FNBP1L: variants seen among roughly 807,000 people sequenced by gnomAD.
FNBP1L encodes the protein formin-binding protein 1-like.
FNBP1L carries 36 observed loss-of-function variants against 91.2 expected under a neutral mutation model. That is an observed-to-expected ratio of 0.39 (90% CI 0.30 to 0.52). The LOEUF is 0.52. FNBP1L is among the 20% of genes least tolerant of loss of function. FNBP1L has a pLI of 0.66. For synonymous variants in FNBP1L, 242 were observed against 237.0 expected (o/e 1.02, Z -0.19); for missense variants, 571 against 732.1 (o/e 0.78, Z 2.54).
chr1:93,456,641 G>T (rs1217689997), intron 1 of FNBP1L, among the ~76,000 whole-genome samples: 2 of 148,864 alleles, frequency 1.3e-5, no homozygotes, highest in African/African-American at 4.9e-5. Flanking sequence ...TAAGCTGGGC[G>T]TGGTGGTGGG....
intron 2 of FNBP1L, among the ~76,000 whole-genome samples, chr1:93,517,021 CTCTTT>C (rs1260000330): frequency 5.8e-4 from 88 of 151,418 alleles, no homozygotes; most frequent in Admixed American, 4.1e-3. Context: ...CTTCCTCCTC[CTCTTT>C]TCTTCTTTTC....
chr1:93,550,412 T>TA (rs1672368300), intron 15 of FNBP1L, among the ~76,000 whole-genome samples: 1 of 152,150 alleles, frequency 6.6e-6, no homozygotes, highest in Admixed American at 6.5e-5. Flanking sequence ...TGAAAATTGT[T>TA]ACTGCTAAGC....
intron 1 of FNBP1L, 74 bp downstream of exon 1, chr1:93,448,379 C>T (rs1463403093): frequency 2.8e-6 from 4 of 1,431,914 alleles, no homozygotes; most frequent in Admixed American, 3.4e-5. Context: ...CGCCGCGGAC[C>T]CTCGGCGGTG....
chr1:93,542,992 G>A (rs1316831965), intron 11 of FNBP1L, among the ~76,000 whole-genome samples: 3 of 151,472 alleles, frequency 2.0e-5, no homozygotes, highest in South Asian at 2.1e-4. Context: ...TCATCATGTC[G>A]GCCAGGCTCC....
At position 93,448,238 on chromosome 1, in the gene FNBP1L, G is replaced by C; in HGVS notation, c.-44G>C. On this transcript the variant is annotated 5_prime_UTR_variant, in exon 1 of 17. Coordinates refer to ENST00000271234, the MANE Select transcript of FNBP1L (RefSeq NM_001164473.3). The stretch of plus-strand genomic sequence containing the variant: ...GGTCGGACAGACTGTGGAGCCGACA[G>C]ACTGAAGGACAGCGGCACCGCCAGA... The C allele has an allele frequency of 6.6e-7, 1 of 1,521,230 alleles. No individual in the cohort carries two copies. Among genetic ancestry groups the C allele is most frequent in the Non-Finnish European group, 8.8e-7 (1 of 1,134,160 alleles). The allele number at this position is 1,521,230 out of a possible 1,614,324, so 94.2% of individuals were successfully genotyped here. A position where few individuals can be genotyped will look rare whatever the true frequency, so the allele number is the denominator to read the frequency against.
intron 2 of FNBP1L, among the ~76,000 whole-genome samples, chr1:93,505,147 T>C (rs1242478252): frequency 6.6e-6 from 1 of 150,660 alleles, no homozygotes; most frequent in East Asian, 1.9e-4. Context: ...GTCTCACTCT[T>C]GTCGCCCAGC....
intron 12 of FNBP1L, 149 bp from the exon 13 acceptor site, chr1:93,546,693 T>C (rs899484554): frequency 1.4e-6 from 1 of 736,996 alleles, no homozygotes; most frequent in East Asian, 2.7e-5. Flanking sequence ...ATGCAAATTG[T>C]CTTTAATCAG....
intron 10 of FNBP1L, among the ~76,000 whole-genome samples, chr1:93,538,146 T>G (rs1391690999): frequency 6.6e-6 from 1 of 152,030 alleles, no homozygotes; most frequent in Non-Finnish European, 1.5e-5. Flanking sequence ...GTCATAGTCA[T>G]ATTTTCCACA....
chr1:93,469,614 A>G (rs1398379055), intron 1 of FNBP1L, among the ~76,000 whole-genome samples: 1 of 152,158 alleles, frequency 6.6e-6, no homozygotes, highest in African/African-American at 2.4e-5. Context: ...ACTTTTAAGT[A>G]TGAATGTTCA....
chr1:93,450,637 T>C (rs1186380275), intron 1 of FNBP1L, among the ~76,000 whole-genome samples: 1 of 152,234 alleles, frequency 6.6e-6, no homozygotes, highest in Non-Finnish European at 1.5e-5. Flanking sequence ...TGTACTGTGC[T>C]CTTGCCATTG....
intron 1 of FNBP1L, among the ~76,000 whole-genome samples, chr1:93,458,218 A>G (rs774664427): frequency 7.2e-4 from 109 of 152,322 alleles, no homozygotes; most frequent in Non-Finnish European, 1.1e-3. Flanking sequence ...TTGGAGCAAT[A>G]TCTTCTCTTA....
rs1019817527 is a variant in FNBP1L, at chr1:93,513,977, A to T, written c.141-8105A>T. 1.6e-4 allele frequency among the ~76,000 whole-genome samples: 25 copies of T among 152,202 alleles called. 1 individual carries two copies. Among genetic ancestry groups the T allele is most frequent in the Middle Eastern group, 6.8e-3 (2 of 294 alleles). ...TTCAATTAGGAAAAGAGGAAGTCAA[A>T]TTGTCCCTGTTTGCAGACGACATGA... On this transcript the variant is annotated intron_variant, in intron 2 of 16. Coordinates refer to ENST00000271234, the MANE Select transcript of FNBP1L (RefSeq NM_001164473.3).
intron 12 of FNBP1L, among the ~76,000 whole-genome samples, chr1:93,545,169 T>C (rs1672182434): frequency 1.3e-5 from 2 of 152,176 alleles, no homozygotes; most frequent in Non-Finnish European, 2.9e-5. Flanking sequence ...TACAGCCTTC[T>C]TGTGCTTCAG....
intron 1 of FNBP1L, among the ~76,000 whole-genome samples, chr1:93,486,106 G>A (rs1669886133): frequency 6.6e-6 from 1 of 152,196 alleles, no homozygotes; most frequent in African/African-American, 2.4e-5. Context: ...AAATGACACT[G>A]TGTTAGATGG....
At chr1:93,459,313 T>A (rs933626041) in intron 1 of FNBP1L, among the ~76,000 whole-genome samples, 1 of 152,162 alleles carries the variant, frequency 6.6e-6, no homozygotes, top group African/African-American at 2.4e-5. Context: ...GGGACTACTA[T>A]ATTTGTAAAC....
chr1:93,481,169 G>GT (rs1669691988), intron 1 of FNBP1L, among the ~76,000 whole-genome samples: 1 of 152,148 alleles, frequency 6.6e-6, no homozygotes, highest in Non-Finnish European at 1.5e-5. Context: ...TAATCTCAGT[G>GT]TTTCTATGTG....
At chr1:93,526,570 C>T (rs1480239475) in intron 5 of FNBP1L, among the ~76,000 whole-genome samples, 1 of 152,152 alleles carries the variant, frequency 6.6e-6, no homozygotes, top group South Asian at 2.1e-4. Context: ...GATTACTTAC[C>T]TCTGCCCTGG....
At chr1:93,462,231 C>G (rs1360726934) in intron 1 of FNBP1L, among the ~76,000 whole-genome samples, 1 of 152,132 alleles carries the variant, frequency 6.6e-6, no homozygotes, top group Non-Finnish European at 1.5e-5. Context: ...TAATACCAAG[C>G]TATAAATTTG....
At chr1:93,517,097 T>A (rs1671149919) in intron 2 of FNBP1L, among the ~76,000 whole-genome samples, 1 of 151,162 alleles carries the variant, frequency 6.6e-6, no homozygotes, top group South Asian at 2.1e-4. Context: ...TGGAGTGCAG[T>A]GGCACAATCT....
Sources: gnomAD v4.1 joint callset for allele counts (sites outside exome capture counted in the v4.1 genomes callset) on GRCh38, gnomAD v4.1.1 for gene constraint, MANE v1.5 for transcripts, NCBI Gene and HGNC (gene_info 2026-07-23, HGNC 2026-07-21) for gene names.